Variants in FRMD3 observed in about 807,000 individuals in gnomAD.
FRMD3 encodes FERM domain containing 3, also known as FERM domain-containing protein 3.
Under a neutral mutation model 70.2 loss-of-function variants are expected in FRMD3, and 33 were observed. The ratio of observed to expected loss-of-function variants is 0.47; its 90% CI spans 0.36 to 0.63. The LOEUF is 0.63. Ranked by LOEUF, FRMD3 falls within the 20% of genes least tolerant of loss-of-function variation. The probability of loss-of-function intolerance (pLI) is 0.00; values close to 1 mark genes in which losing one functional copy is unlikely to be tolerated. For missense variants in FRMD3, 632 were observed against 711.4 expected, an observed-to-expected ratio of 0.89 and a Z score of 1.27; for synonymous variants, 279 against 255.9, an observed-to-expected ratio of 1.09 and a Z score of -0.86.
At chr9:83,580,522 C>A in the FRMD3 span, among the ~76,000 whole-genome samples, 1 of 152,046 alleles carries the variant, frequency 6.6e-6, no homozygotes, top group Non-Finnish European at 1.5e-5. Context: ...CAGAAAAACA[C>A]GTACCTCGTG....
intron 1 of FRMD3, among the ~76,000 whole-genome samples, chr9:83,462,289 G>A (rs1827998457): frequency 6.6e-6 from 1 of 152,192 alleles, no homozygotes; most frequent in Non-Finnish European, 1.5e-5. Context: ...TATTACTGAT[G>A]CATATACATG....
chr9:83,344,680 T>C (rs558894819), intron 4 of FRMD3, among the ~76,000 whole-genome samples: 177 of 152,296 alleles, frequency 1.2e-3, no homozygotes, highest in African/African-American at 4.1e-3. Context: ...CTCAGGCCTT[T>C]GAACTACACC....
At chr9:83,534,726 T>C (rs975100621) in intron 1 of FRMD3, among the ~76,000 whole-genome samples, 2 of 152,228 alleles carry the variant, frequency 1.3e-5, no homozygotes, top group Admixed American at 6.5e-5. Flanking sequence ...TTTATGCATA[T>C]AGTTTCTTTA....
At chr9:83,380,036 TA>T (rs1825308361) in intron 2 of FRMD3, among the ~76,000 whole-genome samples, 1 of 152,192 alleles carries the variant, frequency 6.6e-6, no homozygotes, top group African/African-American at 2.4e-5. Context: ...CAGAAATTTT[TA>T]TCTCAAGGTC....
At chr9:83,535,500 C>T (rs11795139) in intron 1 of FRMD3, among the ~76,000 whole-genome samples, 39,213 of 152,082 alleles carry the variant, frequency 0.26, 5,306 homozygotes, top group Admixed American at 0.33. Flanking sequence ...TCCAAGAGCT[C>T]CTGCTCCTCC....
At chr9:83,379,376 T>C (rs74400239) in intron 2 of FRMD3, among the ~76,000 whole-genome samples, 4,995 of 152,280 alleles carry the variant, frequency 0.033, 287 homozygotes, top group African/African-American at 0.11. Context: ...ACTTGGAATA[T>C]ATGCTGTTCT....
chr9:83,516,231 A>G (rs11789184), intron 1 of FRMD3, among the ~76,000 whole-genome samples: 64,401 of 151,570 alleles, frequency 0.42, 14,323 homozygotes, highest in Non-Finnish European at 0.49. Context: ...CCCATCTCAC[A>G]TGCAAAGACA....
chr9:83,545,180 T>C, the FRMD3 span, among the ~76,000 whole-genome samples: 3 of 151,936 alleles, frequency 2.0e-5, no homozygotes, highest in African/African-American at 7.3e-5. Context: ...GGAAAAAGAT[T>C]TAAAAAATAA....
intron 1 of FRMD3, chr9:83,467,512 T>G: frequency 2.5e-6 from 2 of 795,736 alleles, no homozygotes; most frequent in Middle Eastern, 4.4e-4. Context: ...CCTTCTAATT[T>G]GTTTCAGTGA....
chr9:83,360,098 A>G (rs1824535301), intron 3 of FRMD3, among the ~76,000 whole-genome samples: 1 of 152,204 alleles, frequency 6.6e-6, no homozygotes, highest in South Asian at 2.1e-4. Flanking sequence ...CCTGGCATCT[A>G]AAGGACAGCT....
At chr9:83,468,951 G>T (rs567579743) in intron 1 of FRMD3, among the ~76,000 whole-genome samples, 1 of 152,302 alleles carries the variant, frequency 6.6e-6, no homozygotes, top group African/African-American at 2.4e-5. Context: ...AACCCAGACA[G>T]TATCATGACC....
intron 3 of FRMD3, 116 bp downstream of exon 3, chr9:83,372,797 C>T (rs1825018393): frequency 7.7e-6 from 7 of 912,934 alleles, no homozygotes; most frequent in Middle Eastern, 4.4e-4. Context: ...GAAGCCCCCA[C>T]ACCCCCCAAC....
intron 7 of FRMD3, among the ~76,000 whole-genome samples, chr9:83,313,149 G>A (rs1335509901): frequency 6.6e-6 from 1 of 152,190 alleles, no homozygotes; most frequent in Non-Finnish European, 1.5e-5. Flanking sequence ...CCAGAATTCT[G>A]ATTTAGTAGC....
At position 83,427,271 on chromosome 9, in the gene FRMD3, T is replaced by C. The variant is rs536489586; in HGVS notation, c.148-37563A>G. 2.6e-5 allele frequency among the ~76,000 whole-genome samples: 4 copies of C among 152,306 alleles called. No homozygotes were observed. The South Asian group carries it at 8.3e-4, about 32-fold the overall frequency. On this transcript the variant is annotated intron_variant, in intron 1 of 13. Transcript: ENST00000304195. Reference sequence around the variant, plus strand: ...CTGTGGGTGAGGGATGGAGAGCACCTGATTCCTAACACTGTAGGTGGTCAG... The same window carrying C: ...CTGTGGGTGAGGGATGGAGAGCACCCGATTCCTAACACTGTAGGTGGTCAG...
intron 1 of FRMD3, among the ~76,000 whole-genome samples, chr9:83,491,980 C>T (rs1828836838): frequency 6.6e-6 from 1 of 152,194 alleles, no homozygotes; most frequent in Non-Finnish European, 1.5e-5. Context: ...AGCCAGATGG[C>T]AGTTCATGGT....
chr9:83,244,271 A>ATAAC (rs1251917986), downstream of FRMD3, among the ~76,000 whole-genome samples: 2 of 152,152 alleles, frequency 1.3e-5, no homozygotes, highest in Non-Finnish European at 2.9e-5. Flanking sequence ...GCCAGTGATG[A>ATAAC]TAACATATTA....
intron 1 of FRMD3, among the ~76,000 whole-genome samples, chr9:83,396,513 G>A (rs6559722): frequency 0.41 from 62,238 of 152,036 alleles, 13,051 homozygotes; most frequent in Admixed American, 0.47. Flanking sequence ...GCTCTAGCTT[G>A]GTTGGTATGA....
At chr9:83,541,523 G>C (rs1307118407), upstream of FRMD3, among the ~76,000 whole-genome samples, 2 of 152,344 alleles carry the variant, frequency 1.3e-5, no homozygotes, top group African/African-American at 4.8e-5. Flanking sequence ...CATCCACCAA[G>C]ATTTTCAAAG....
chr9:83,364,256 T>C (rs1824715781), intron 3 of FRMD3, among the ~76,000 whole-genome samples: 1 of 152,184 alleles, frequency 6.6e-6, no homozygotes, highest in Admixed American at 6.5e-5. Context: ...ATTCAACAAA[T>C]ATTTACTAAG....
Sources: allele counts gnomAD v4.1 joint callset (sites outside exome capture counted in the v4.1 genomes callset), GRCh38; gene constraint gnomAD v4.1.1; transcripts MANE v1.5; gene names NCBI Gene and HGNC (gene_info 2026-07-23, HGNC 2026-07-21).